The following RNASEL variants were observed in gnomAD, a reference collection of about 807,000 sequenced individuals.
The protein encoded by RNASEL is ribonuclease L, also known as 2-5A-dependent ribonuclease.
RNASEL carries 36 observed loss-of-function variants against 50.9 expected under a neutral mutation model. That is an observed-to-expected ratio of 0.71 (90% CI 0.54 to 0.93). The LOEUF (loss-of-function observed/expected upper bound fraction) is 0.93, where lower values mean the gene tolerates loss of function less well. RNASEL is among the 40% of genes least tolerant of loss of function. The probability of loss-of-function intolerance (pLI) is 0.00; values close to 1 mark genes in which losing one functional copy is unlikely to be tolerated. For synonymous variants in RNASEL, 335 were observed against 335.6 expected, an observed-to-expected ratio of 1.00 and a Z score of 0.02; for missense variants, 860 against 894.5, an observed-to-expected ratio of 0.96 and a Z score of 0.49.
chr1:182,575,166 C>A lies in RNASEL; in HGVS notation c.*226G>T, dbSNP rs1407297869. 1 of 562,006 alleles carries A rather than the reference C, an allele frequency of 1.8e-6. No homozygotes were observed. Among genetic ancestry groups the A allele is most frequent in the African/African-American group, 1.9e-5 (1 of 53,226 alleles). The allele number at this position is 562,006 out of a possible 1,614,324, so 34.8% of individuals were successfully genotyped here. A position where few individuals can be genotyped will look rare whatever the true frequency, so the allele number is the denominator to read the frequency against. ...GTGCAATTGACAAAAGGAATCTTAG[C>A]AGAATGTCCTCCCAGTTAGTGGGTA... On this transcript the variant is annotated 3_prime_UTR_variant, in exon 7 of 7. Transcript: ENST00000367559.
chr1:182,582,651 TAAAA>T (rs770412198), intron 3 of RNASEL, among the ~76,000 whole-genome samples: 7 of 151,732 alleles, frequency 4.6e-5, no homozygotes, highest in Admixed American at 2.0e-4. Context: ...ACGCAGCAAA[TAAAA>T]AAGTCAGTCC....
Position 182,586,746 on chromosome 1 carries a change from C to G in RNASEL, c.61G>C (p.Ala21Pro), listed in dbSNP as rs777190098. ...AGCAAGTGATTGTCTTCCACTGCAG[C>G]CCTTCTACCGCTGGAGGACGTGGGT... is the stretch of plus-strand genomic sequence containing the variant. ...EGPTSSSGRR[A>P]AVEDNHLLIK... The change falls in exon 2 of 7, where the codon GCT becomes CCT. Residue 21 changes from alanine (A) to proline (P), a missense_variant. Coordinates refer to ENST00000367559, the MANE Select transcript of RNASEL (RefSeq NM_021133.4). 9.9e-6 allele frequency: 16 copies of G among 1,614,236 alleles called. No individual in the cohort carries two copies. Among genetic ancestry groups the G allele is most frequent in the Non-Finnish European group, 1.4e-5 (16 of 1,180,042 alleles).
intron 5 of RNASEL, 70 bp from the exon 6 acceptor site, chr1:182,576,459 C>A: frequency 1.7e-6 from 2 of 1,159,718 alleles, no homozygotes; most frequent in Non-Finnish European, 2.5e-6. Flanking sequence ...ATATTCATAC[C>A]AAAAGGCAAA....
At position 182,576,375 on chromosome 1, in the gene RNASEL, A is replaced by G; in HGVS notation, c.1920T>C (p.Val640=). 6.3e-7 allele frequency: 1 copy of G among 1,580,406 alleles called. No homozygotes were observed. Among genetic ancestry groups the G allele is most frequent in the Non-Finnish European group, 8.7e-7 (1 of 1,151,636 alleles). The part of the protein sequence containing the change: ...DKWTTKINEC[V]MKKMNKFYEK... ...CATAAAACTTATTCATTTTTTTCAT[A>G]ACACATTCATTAATCTAAAAAAACA... The change falls in exon 6 of 7, where the codon GTT becomes GTC. Residue 640 remains valine (V), a synonymous_variant. Transcript: ENST00000367559.
intron 3 of RNASEL, among the ~76,000 whole-genome samples, chr1:182,582,748 T>C (rs955823347): frequency 6.6e-6 from 1 of 152,126 alleles, no homozygotes; most frequent in Admixed American, 6.5e-5. Context: ...CCTAAGGAAC[T>C]CTTTGCACTA....
intron 2 of RNASEL, among the ~76,000 whole-genome samples, chr1:182,584,937 G>C (rs1003494070): frequency 9.2e-5 from 14 of 152,124 alleles, no homozygotes; most frequent in African/African-American, 3.4e-4. Flanking sequence ...GTCACATCTT[G>C]TCCTGACATC....
rs1196436666 is a variant in RNASEL at position 182,585,402 on chromosome 1, A to G, written c.1405T>C (p.Phe469Leu). The change falls in exon 2 of 7, where the codon TTT becomes CTT. Residue 469 changes from phenylalanine (F) to leucine (L), a missense_variant. Physicochemically the swap from Phe to Leu is conservative, Grantham distance 22 (BLOSUM62 0). Transcript: ENST00000367559. ...AAGTGTAGTTCTTGAACAGCCTTAAATATAGATGACAGGACATTTCGGGCA... is the reference window on the plus strand; with the variant it reads ...AAGTGTAGTTCTTGAACAGCCTTAAGTATAGATGACAGGACATTTCGGGCA... The part of the protein sequence containing the change: ...EFARNVLSSI[F>L]KAVQELHLSC... 1 of 1,614,078 alleles carries G rather than the reference A, an allele frequency of 6.2e-7. No individual in the cohort carries two copies. Among genetic ancestry groups the G allele is most frequent in the Non-Finnish European group, 8.5e-7 (1 of 1,180,032 alleles).
At position 182,586,084 on chromosome 1, in the gene RNASEL, A is replaced by T. The variant is rs776161540; in HGVS notation, c.723T>A (p.Thr241=). The change falls in exon 2 of 7, where the codon ACT becomes ACA. Residue 241 remains threonine, a synonymous_variant. Coordinates refer to ENST00000367559, the MANE Select transcript of RNASEL (RefSeq NM_021133.4). ...TCTTCTCCACTGCCAGGATCAGGGG[A>T]GTCTTCCCTCTTTCTCCCCTCACAT... The part of the protein sequence containing the change: ...DVNVRGERGK[T]PLILAVEKKH... 2.5e-6 allele frequency: 4 copies of T among 1,614,012 alleles called. No homozygotes were observed. The highest frequency in any genetic ancestry group is 3.4e-6 in the Non-Finnish European group (4 of 1,179,992).
intron 5 of RNASEL, chr1:182,578,856 G>A (rs1422566569): frequency 1.3e-5 from 2 of 152,224 alleles, no homozygotes; most frequent in South Asian, 2.1e-4. Context: ...ATCAACAGAT[G>A]ATTGGATAAA....
At chr1:182,584,868 G>A (rs1292878932) in intron 2 of RNASEL, among the ~76,000 whole-genome samples, 1 of 152,136 alleles carries the variant, frequency 6.6e-6, no homozygotes, top group Admixed American at 6.5e-5. Flanking sequence ...CCTTCCCTTT[G>A]TTTGGCTTGG....
At chr1:182,576,472 A>G (rs2102362840) in intron 5 of RNASEL, 83 bp from the exon 6 acceptor site, 1 of 995,244 alleles carries the variant, frequency 1.0e-6, no homozygotes, top group African/African-American at 1.6e-5. Context: ...AAGGCAAAAT[A>G]TAAATTTGAA....
intron 5 of RNASEL, chr1:182,579,257 G>A: frequency 1.0e-6 from 1 of 985,704 alleles, no homozygotes; most frequent in South Asian, 4.7e-5. Context: ...CTCCTTGCCT[G>A]CAGGTGTCCC....
At chr1:182,577,168 C>CACTGCACTCA (rs1661404704) in intron 5 of RNASEL, 2 of 151,406 alleles carry the variant, frequency 1.3e-5, no homozygotes, top group Admixed American at 6.6e-5. Flanking sequence ...AGGTGTGAGC[C>CACTGCACTCA]GCCACACCTG....
chr1:182,574,289 G>C lies in RNASEL; in HGVS notation c.*1103C>G, dbSNP rs962364944. ...CCCGTGAGGAGCCTACATTCCAGTG[G>C]AGGAACCAAAACTAAAAGGCGGAGG... is the stretch of plus-strand genomic sequence containing the variant. On this transcript the variant is annotated 3_prime_UTR_variant, in exon 7 of 7. Transcript: ENST00000367559. 2.2e-5 allele frequency: 5 copies of C among 226,358 alleles called. No individual in the cohort carries two copies. Among genetic ancestry groups the C allele is most frequent in the Non-Finnish European group, 4.4e-5 (5 of 113,866 alleles). 14.0% of individuals were successfully genotyped at this position (226,358 alleles called of 1,614,324 possible).
In RNASEL at chr1:182,586,192, G is replaced by A. The variant is rs368830174; in HGVS notation, c.615C>T (p.Ala205=). The A allele has an allele frequency of 3.7e-6, 6 of 1,614,180 alleles. No individual in the cohort carries two copies. Among genetic ancestry groups the A allele is most frequent in the Non-Finnish European group, 5.1e-6 (6 of 1,180,024 alleles). The change falls in exon 2 of 7, where the codon GCC becomes GCT. Residue 205 remains alanine, a synonymous_variant. Transcript: ENST00000367559. ...VNACDNMGRN[A]LIHALLSSDD... is the part of the protein sequence containing the mutation. ...CAGAGCTCAGGAGAGCATGGATCAA[G>A]GCATTTCTGCCCATATTGTCACAGG...
rs1438449676 is a variant in RNASEL at position 182,574,677 on chromosome 1, C to A, written c.*715G>T. 4.3e-6 allele frequency: 1 copy of A among 232,710 alleles called. No homozygotes were observed. The highest frequency in any genetic ancestry group is 6.0e-5 in the East Asian group (1 of 16,532). 14.4% of individuals were successfully genotyped at this position (232,710 alleles called of 1,614,324 possible). Reference sequence around the variant, plus strand: ...CATGCTCCCCACAAAGCTGTGACACCAAAAACTTCTTCAGACTCTGCCAAA... The same window carrying A: ...CATGCTCCCCACAAAGCTGTGACACAAAAAACTTCTTCAGACTCTGCCAAA... On this transcript the variant is annotated 3_prime_UTR_variant, in exon 7 of 7. Transcript: ENST00000367559.
chr1:182,574,910 A>T lies in RNASEL; in HGVS notation c.*482T>A, dbSNP rs1301877795. On this transcript the variant is annotated 3_prime_UTR_variant, in exon 7 of 7. Transcript: ENST00000367559. ...CCTCATCTGGAAGAGCCCTGGAAGG[A>T]TAGTTAAGTTTTAAGGTGCCCAAAT... 7 of 250,042 alleles carry T rather than the reference A, an allele frequency of 2.8e-5. No homozygotes were observed. The highest frequency in any genetic ancestry group is 3.9e-5 in the Non-Finnish European group (5 of 128,506). The allele number at this position is 250,042 out of a possible 1,614,324, so 15.5% of individuals were successfully genotyped here. A position where few individuals can be genotyped will look rare whatever the true frequency, so the allele number is the denominator to read the frequency against.
chr1:182,581,291 C>T lies in RNASEL; in HGVS notation c.1839G>A (p.Glu613=), dbSNP rs768670325. The T allele has an allele frequency of 6.2e-7, 1 of 1,614,142 alleles. No homozygotes were observed. The highest frequency in any genetic ancestry group is 1.7e-5 in the Admixed American group (1 of 60,000). The part of the protein sequence containing the change: ...SDIKTRKSES[E]ILRLLQPGPS... ...GCCCAGGTTGCAGTAGTCTGAGGAT[C>T]TCACTTTCAGATTTTCGTGTTTTGA... Residue 613 remains glutamate, a synonymous_variant, in exon 5 of 7, where the codon GAG becomes GAA. Transcript: ENST00000367559.
intron 6 of RNASEL, 89 bp from the exon 7 acceptor site, chr1:182,575,667 G>A (rs1476541249): frequency 2.0e-5 from 31 of 1,517,370 alleles, no homozygotes; most frequent in South Asian, 3.5e-5. Context: ...CTCTTTGCTC[G>A]CTTGATTTCT....
Sources: allele counts gnomAD v4.1 joint callset (sites outside exome capture counted in the v4.1 genomes callset), GRCh38; gene constraint gnomAD v4.1.1; transcripts MANE v1.5; gene names NCBI Gene and HGNC (gene_info 2026-07-23, HGNC 2026-07-21).